NCAM2: variants seen among roughly 807,000 people sequenced by gnomAD.
The protein encoded by NCAM2 is neural cell adhesion molecule 2.
Under a neutral mutation model 98.1 loss-of-function variants are expected in NCAM2, and 30 were observed. That is an observed-to-expected ratio of 0.31 (90% CI 0.23 to 0.41). The LOEUF (loss-of-function observed/expected upper bound fraction) is 0.41, where lower values mean the gene tolerates loss of function less well. Among genes scored for constraint, NCAM2 ranks in the 10% least tolerant of loss-of-function variants. NCAM2 has a pLI of 1.00. For missense variants in NCAM2, 867 were observed against 1,005.8 expected (o/e 0.86, Z 1.87); for synonymous variants, 368 against 342.4 (o/e 1.07, Z -0.83).
At chr21:21,285,604 A>C (rs2073070782) in intron 3 of NCAM2, among the ~76,000 whole-genome samples, 1 of 151,988 alleles carries the variant, frequency 6.6e-6, no homozygotes, top group Non-Finnish European at 1.5e-5. Context: ...AAGGTAAAAA[A>C]AATTTTTGCA....
At chr21:21,349,562 A>G (rs1480179098) in intron 8 of NCAM2, among the ~76,000 whole-genome samples, 1 of 152,152 alleles carries the variant, frequency 6.6e-6, no homozygotes, top group Non-Finnish European at 1.5e-5. Context: ...TCTATGATTC[A>G]ACAATCCCAC....
intron 1 of NCAM2, among the ~76,000 whole-genome samples, chr21:21,032,928 G>A (rs9305993): frequency 6.7e-6 from 1 of 149,730 alleles, no homozygotes; most frequent in African/African-American, 2.5e-5. Context: ...ACAGCACATG[G>A]TTTCTTTCTT....
chr21:21,012,351 A>C (rs1465189547), intron 1 of NCAM2, among the ~76,000 whole-genome samples: 1 of 152,160 alleles, frequency 6.6e-6, no homozygotes, highest in African/African-American at 2.4e-5. Context: ...CTTATTGTGA[A>C]TCACTACAAT....
intron 1 of NCAM2, among the ~76,000 whole-genome samples, chr21:21,188,643 G>A (rs959389033): frequency 5.3e-5 from 8 of 152,044 alleles, no homozygotes; most frequent in African/African-American, 1.9e-4. Flanking sequence ...GGGGCCCTTG[G>A]ATTTTTAAAT....
chr21:21,113,246 A>G (rs1198065056), intron 1 of NCAM2, among the ~76,000 whole-genome samples: 7 of 152,208 alleles, frequency 4.6e-5, no homozygotes, highest in Non-Finnish European at 1.0e-4. Context: ...GCAATGGTGG[A>G]CAAAACTGCT....
intron 3 of NCAM2, 91 bp from the exon 4 acceptor site, chr21:21,286,178 T>G (rs1297599955): frequency 7.6e-7 from 1 of 1,317,440 alleles, no homozygotes; most frequent in Non-Finnish European, 1.0e-6. Context: ...TATTATAGTA[T>G]CAATAGAGTC....
intron 1 of NCAM2, among the ~76,000 whole-genome samples, chr21:21,264,193 C>G (rs575182183): frequency 6.6e-6 from 1 of 151,994 alleles, no homozygotes; most frequent in South Asian, 2.1e-4. Flanking sequence ...AGGAAATGAA[C>G]AGATACCTCT....
At chr21:21,134,446 T>C (rs2067000820) in intron 1 of NCAM2, among the ~76,000 whole-genome samples, 1 of 151,980 alleles carries the variant, frequency 6.6e-6, no homozygotes, top group South Asian at 2.1e-4. Context: ...CTTCATGGGT[T>C]CTGGGTGGCT....
chr21:21,536,075 A>G (rs1169744676), intron 17 of NCAM2, among the ~76,000 whole-genome samples: 1 of 152,120 alleles, frequency 6.6e-6, no homozygotes, highest in African/African-American at 2.4e-5. Context: ...TGTATTGTCA[A>G]TATTTTCAGT....
chr21:21,263,979 A>C (rs538642439), intron 1 of NCAM2, among the ~76,000 whole-genome samples: 1 of 152,236 alleles, frequency 6.6e-6, no homozygotes, highest in Non-Finnish European at 1.5e-5. Flanking sequence ...ATGCAACAAA[A>C]CCAAAAATAG....
rs553288281 is a variant in NCAM2, at chr21:21,338,399, C to T, written c.909C>T (p.His303=). The T allele has an allele frequency of 1.8e-5, 29 of 1,611,006 alleles. No homozygotes were observed. Among genetic ancestry groups the T allele is most frequent in the Non-Finnish European group, 2.3e-5 (27 of 1,177,684 alleles). Residue 303 remains histidine, a synonymous_variant, in exon 8 of 18, where the codon CAC becomes CAT. Transcript: ENST00000400546. ...QAFLQVFVQP[H]IIQLKNETTY... ...ATATATTCTTTACAGTACAGCCTCA[C>T]ATAATACAGCTTAAAAATGAAACTA...
intron 12 of NCAM2, among the ~76,000 whole-genome samples, chr21:21,439,612 A>T (rs545244860): frequency 6.6e-6 from 1 of 152,068 alleles, no homozygotes; most frequent in Non-Finnish European, 1.5e-5. Flanking sequence ...CCTGTTCTTG[A>T]TAGGTCAGAA....
chr21:21,117,420 T>C (rs2146550700), intron 1 of NCAM2, among the ~76,000 whole-genome samples: 1 of 152,326 alleles, frequency 6.6e-6, no homozygotes, highest in South Asian at 2.1e-4. Context: ...CTTGTAGAGG[T>C]TTCTGCACCT....
chr21:21,099,810 A>G (rs2066202060), intron 1 of NCAM2, among the ~76,000 whole-genome samples: 1 of 151,870 alleles, frequency 6.6e-6, no homozygotes. Flanking sequence ...TATATTAGCG[A>G]TCCCAGTTCA....
chr21:21,359,406 T>A (rs909776534), intron 8 of NCAM2, among the ~76,000 whole-genome samples: 2 of 151,980 alleles, frequency 1.3e-5, no homozygotes, highest in African/African-American at 4.8e-5. Context: ...TGAATAAAGA[T>A]TTTCAGAAAA....
chr21:21,043,696 C>CA lies in NCAM2; in HGVS notation c.55+45087dup, dbSNP rs552030715. Among the ~76,000 whole-genome samples, 1,318 of 149,702 alleles carry CA rather than the reference C, an allele frequency of 8.8e-3. 13 individuals carry two copies. The highest frequency in any genetic ancestry group is 0.029 in the African/African-American group (1,190 of 40,948). On this transcript the variant is annotated intron_variant, in intron 1 of 17. Coordinates refer to ENST00000400546, the MANE Select transcript of NCAM2 (RefSeq NM_004540.5). ...TGAAACCGCGAATCTACTAAAAATA[C>CA]AAAAAAAAATTAGCTGGGCGTGGTG...
At chr21:21,264,201 T>A (rs995988589) in intron 1 of NCAM2, among the ~76,000 whole-genome samples, 1 of 151,996 alleles carries the variant, frequency 6.6e-6, no homozygotes, top group African/African-American at 2.4e-5. Context: ...AACAGATACC[T>A]CTTAAAAGAA....
chr21:21,058,009 A>G (rs2065247794), intron 1 of NCAM2, among the ~76,000 whole-genome samples: 1 of 152,100 alleles, frequency 6.6e-6, no homozygotes. Context: ...AATGACTTCT[A>G]TATGATTGAA....
chr21:21,470,762 A>G (rs1362234794), intron 14 of NCAM2, among the ~76,000 whole-genome samples: 1 of 151,778 alleles, frequency 6.6e-6, no homozygotes, highest in African/African-American at 2.4e-5. Context: ...GATTGATTGT[A>G]TTAATTCATA....
Sources: gnomAD v4.1 joint callset for allele counts (sites outside exome capture counted in the v4.1 genomes callset) on GRCh38, gnomAD v4.1.1 for gene constraint, MANE v1.5 for transcripts, NCBI Gene and HGNC (gene_info 2026-07-23, HGNC 2026-07-21) for gene names.